CFAP92: variants seen among roughly 807,000 people sequenced by gnomAD.
The protein encoded by CFAP92 is cilia and flagella associated protein 92 (putative).
Under a neutral mutation model 106.3 loss-of-function variants are expected in CFAP92, and 86 were observed. The observed-to-expected ratio is 0.81, with a 90% CI of 0.68 to 0.97. CFAP92 has a LOEUF of 0.97. Ranked by LOEUF, CFAP92 falls within the 50% of genes least tolerant of loss-of-function variation. CFAP92 has a pLI of 0.00. For synonymous variants in CFAP92, 477 were observed against 506.4 expected (o/e 0.94, Z 0.78); for missense variants, 1,204 against 1,283.8 (o/e 0.94, Z 0.95).
At position 128,932,692 on chromosome 3, in the gene CFAP92, C is replaced by T. The variant is rs1357473839; in HGVS notation, c.2751+8G>A. On this transcript the variant is annotated splice_region_variant and intron_variant, in intron 12 of 15. Coordinates refer to ENST00000645291, the MANE Select transcript of CFAP92 (RefSeq NM_001394090.1). ...GGGAACCCCAAGTTGGGGAGGAAGG[C>T]GGCCCACCTGGATGAAACTGTGCTT... The T allele has an allele frequency of 1.3e-5, 20 of 1,524,624 alleles. 1 individual carries two copies. The highest frequency in any genetic ancestry group is 5.5e-5 in the African/African-American group (4 of 72,760). 94.4% of individuals were successfully genotyped at this position (1,524,624 alleles called of 1,614,324 possible).
chr3:129,015,691 G>A, the CFAP92 span, among the ~76,000 whole-genome samples: 2 of 152,090 alleles, frequency 1.3e-5, no homozygotes, highest in African/African-American at 4.8e-5. Context: ...AATTCAGGTA[G>A]GGACCAGAGA....
intron 1 of CFAP92, 32 bp from the exon 2 acceptor site, chr3:128,993,368 C>A: frequency 6.5e-7 from 1 of 1,547,094 alleles, no homozygotes. Context: ...CTGTCCCCGC[C>A]TGTATTCCAG....
intron 12 of CFAP92, among the ~76,000 whole-genome samples, chr3:128,926,158 T>C (rs968159450): frequency 1.1e-4 from 17 of 152,164 alleles, no homozygotes; most frequent in African/African-American, 4.1e-4. Context: ...AAAGGAGATA[T>C]CCAAATAGCC....
the CFAP92 span, among the ~76,000 whole-genome samples, chr3:129,017,508 C>T: frequency 6.6e-6 from 1 of 152,220 alleles, no homozygotes; most frequent in African/African-American, 2.4e-5. Context: ...AAAGCCCGTT[C>T]CAGTGTTGGC....
At chr3:129,002,389 G>T in intron 1 of CFAP92, 1 of 1,473,510 alleles carries the variant, frequency 6.8e-7, no homozygotes. Context: ...AAAGCTGGCT[G>T]GCTGCGGAGC....
At chr3:128,981,271 C>T (rs1943517610) in intron 4 of CFAP92, among the ~76,000 whole-genome samples, 2 of 151,778 alleles carry the variant, frequency 1.3e-5, no homozygotes, top group Admixed American at 1.3e-4. Flanking sequence ...CTCCTGACCT[C>T]GTGATCTGTC....
chr3:128,938,695 T>A (rs1939318010), intron 10 of CFAP92, among the ~76,000 whole-genome samples: 1 of 151,876 alleles, frequency 6.6e-6, no homozygotes, highest in Non-Finnish European at 1.5e-5. Flanking sequence ...GGTTTCACTG[T>A]GTTAGCCAGG....
chr3:128,923,715 T>C (rs1435194072), intron 12 of CFAP92, among the ~76,000 whole-genome samples: 1 of 152,222 alleles, frequency 6.6e-6, no homozygotes, highest in Admixed American at 6.5e-5. Context: ...TCAATTAATT[T>C]AAAAACAGAA....
At chr3:128,993,936 G>T in intron 1 of CFAP92, 44 bp downstream of exon 1, 1 of 987,312 alleles carries the variant, frequency 1.0e-6, no homozygotes, top group African/African-American at 1.7e-5. Flanking sequence ...CGGCGGCCGA[G>T]GTGGGGGCAG....
intron 9 of CFAP92, among the ~76,000 whole-genome samples, chr3:128,948,773 G>A (rs576142893): frequency 7.8e-4 from 116 of 147,878 alleles, no homozygotes; most frequent in Non-Finnish European, 1.3e-3. Context: ...CAAGTGATCC[G>A]CCCGCCTTAG....
At chr3:129,001,117 G>A (rs1012402032) in intron 1 of CFAP92, among the ~76,000 whole-genome samples, 3 of 152,232 alleles carry the variant, frequency 2.0e-5, no homozygotes, top group Admixed American at 1.3e-4. Context: ...AGGGGGAAGA[G>A]TGACGCTTGG....
chr3:128,983,172 A>G (rs998595372), intron 4 of CFAP92, among the ~76,000 whole-genome samples: 1 of 152,220 alleles, frequency 6.6e-6, no homozygotes, highest in African/African-American at 2.4e-5. Context: ...GAAGAAGATG[A>G]AGCAATGGAT....
At chr3:128,956,184 T>TAAAAAAAAAATA (rs1941362440) in intron 9 of CFAP92, among the ~76,000 whole-genome samples, 1 of 49,280 alleles carries the variant, frequency 2.0e-5, no homozygotes. Flanking sequence ...AAAAATAAAT[T>TAAAAAAAAAATA]AAAAAAAAAA....
intron 9 of CFAP92, among the ~76,000 whole-genome samples, chr3:128,961,696 A>AAGGTCAAAAGGCTGTCTTATT (rs1158537402): frequency 6.6e-6 from 1 of 152,188 alleles, no homozygotes; most frequent in African/African-American, 2.4e-5. Flanking sequence ...ACAGCCCTAG[A>AAGGTCAAAAGGCTGTCTTATT]CCCTAAAAGG....
At chr3:128,919,930 C>T (rs1315098201) in intron 12 of CFAP92, among the ~76,000 whole-genome samples, 5 of 152,176 alleles carry the variant, frequency 3.3e-5, no homozygotes, top group Non-Finnish European at 5.9e-5. Context: ...TGTCCTCTGT[C>T]TCCTGCTTTA....
At chr3:128,956,779 A>T (rs1941459649) in intron 9 of CFAP92, among the ~76,000 whole-genome samples, 2 of 152,072 alleles carry the variant, frequency 1.3e-5, no homozygotes, top group African/African-American at 4.8e-5. Flanking sequence ...CAGGAGTTTG[A>T]CACTAGCCTG....
chr3:128,977,154 A>T, intron 5 of CFAP92, 88 bp from the exon 6 acceptor site: 1 of 985,792 alleles, frequency 1.0e-6, no homozygotes, highest in South Asian at 1.3e-5. Context: ...CTGTAATGTC[A>T]GTCTCTATGC....
upstream of CFAP92, among the ~76,000 whole-genome samples, chr3:128,997,219 C>T (rs1379843702): frequency 6.6e-6 from 1 of 152,214 alleles, no homozygotes; most frequent in Non-Finnish European, 1.5e-5. Context: ...TAGAGGCCTT[C>T]CTGAAGCTAT....
chr3:128,948,950 A>T (rs1396370092), intron 9 of CFAP92, among the ~76,000 whole-genome samples: 1 of 152,262 alleles, frequency 6.6e-6, no homozygotes, highest in Non-Finnish European at 1.5e-5. Flanking sequence ...TGGCAAATAA[A>T]CACATCAAAA....
Sources: allele counts gnomAD v4.1 joint callset (sites outside exome capture counted in the v4.1 genomes callset), GRCh38; gene constraint gnomAD v4.1.1; transcripts MANE v1.5; gene names NCBI Gene and HGNC (gene_info 2026-07-23, HGNC 2026-07-21).